The following MEMO1 variants were observed in gnomAD, a reference collection of about 807,000 sequenced individuals.
The protein encoded by MEMO1 is protein MEMO1.
Under a neutral mutation model 45.2 loss-of-function variants are expected in MEMO1, and 6 were observed. The ratio of observed to expected loss-of-function variants is 0.13; its 90% confidence interval spans 0.07 to 0.26. The LOEUF is 0.26. Ranked by LOEUF, MEMO1 falls within the 10% of genes least tolerant of loss-of-function variation. The pLI is 1.00. For missense variants in MEMO1, 184 were observed against 370.5 expected (o/e 0.50, Z 4.13); for synonymous variants, 78 against 124.3 (o/e 0.63, Z 2.48).
At chr2:31,978,557 C>T (rs986986046) in intron 2 of MEMO1, among the ~76,000 whole-genome samples, 1 of 152,144 alleles carries the variant, frequency 6.6e-6, no homozygotes, top group Non-Finnish European at 1.5e-5. Context: ...CTCGGCTTCC[C>T]GAGTAGCTAG....
chr2:31,975,021 A>C (rs1669843011), intron 2 of MEMO1, among the ~76,000 whole-genome samples: 1 of 151,536 alleles, frequency 6.6e-6, no homozygotes, highest in Admixed American at 6.6e-5. Context: ...AAATACAAAA[A>C]ATCAGCTGGA....
chr2:31,904,363 AT>A (rs1434113226), intron 6 of MEMO1, among the ~76,000 whole-genome samples: 1 of 152,224 alleles, frequency 6.6e-6, no homozygotes, highest in African/African-American at 2.4e-5. Flanking sequence ...AGAGCCTGGA[AT>A]TTTGGTAGCT....
rs375935056 is a variant in MEMO1, at chr2:31,922,612, T to C, written c.213-1702A>G. 1.7e-4 allele frequency among the ~76,000 whole-genome samples: 26 copies of C among 151,976 alleles called. No individual in the cohort carries two copies. The South Asian group carries it at 4.6e-3, about 27-fold the overall frequency. ...AACCTAGTATTCCATAAGTAGTTTTTTTATCCTCATCCTCCTCCCACCTTC... is the reference window on the plus strand; with the variant it reads ...AACCTAGTATTCCATAAGTAGTTTTCTTATCCTCATCCTCCTCCCACCTTC... On this transcript the variant is annotated intron_variant, in intron 4 of 9. Transcript: ENST00000404530.
At chr2:31,963,350 A>T (rs1353861789) in intron 2 of MEMO1, 2 of 1,259,080 alleles carry the variant, frequency 1.6e-6, no homozygotes, top group Non-Finnish European at 2.0e-6. Context: ...AGACACACAT[A>T]CCCTACTGGT....
chr2:31,963,455 T>C (rs1010845919), intron 2 of MEMO1, among the ~76,000 whole-genome samples: 1 of 152,200 alleles, frequency 6.6e-6, no homozygotes, highest in Admixed American at 6.5e-5. Context: ...CCAGTTACTT[T>C]TGGACAATGG....
chr2:31,975,624 GA>G lies in MEMO1; in HGVS notation c.62-32242del, dbSNP rs535562230. Among the ~76,000 whole-genome samples, 4 of 152,308 alleles carry G rather than the reference GA, an allele frequency of 2.6e-5. No individual in the cohort carries two copies. In the South Asian group the frequency reaches 8.3e-4, roughly 32 times the overall value. On this transcript the variant is annotated intron_variant, in intron 2 of 9. Coordinates refer to ENST00000404530, the MANE Select transcript of MEMO1 (RefSeq NM_001301833.4). The stretch of plus-strand genomic sequence containing the variant: ...GCAGAACACTTTAATGATGAGCTAA[GA>G]AAGGAGTCTAAACTCTGATACATTT...
At chr2:31,887,526 T>G (rs1676372735) in intron 7 of MEMO1, among the ~76,000 whole-genome samples, 1 of 152,194 alleles carries the variant, frequency 6.6e-6, no homozygotes, top group Admixed American at 6.5e-5. Flanking sequence ...TAGGCCATTC[T>G]ATACTAAGGA....
chr2:31,941,611 G>T (rs965405663), intron 3 of MEMO1, among the ~76,000 whole-genome samples: 1 of 152,194 alleles, frequency 6.6e-6, no homozygotes, highest in African/African-American at 2.4e-5. Flanking sequence ...GTATGTAAAT[G>T]ACTAAATAAA....
At chr2:31,875,843 T>C (rs1674474492) in intron 8 of MEMO1, among the ~76,000 whole-genome samples, 1 of 151,916 alleles carries the variant, frequency 6.6e-6, no homozygotes, top group Admixed American at 6.6e-5. Context: ...TGCACCACCA[T>C]GCCCGACTAA....
Position 32,010,279 on chromosome 2 carries a change from G to C in MEMO1, c.-17-15C>G, listed in dbSNP as rs1472548519. 2.9e-6 allele frequency: 4 copies of C among 1,400,216 alleles called. No individual in the cohort carries two copies. Among genetic ancestry groups the C allele is most frequent in the African/African-American group, 1.5e-5 (1 of 67,078 alleles). The allele number at this position is 1,400,216 out of a possible 1,614,324, so 86.7% of individuals were successfully genotyped here. On this transcript the variant is annotated splice_polypyrimidine_tract_variant and intron_variant, in intron 1 of 9. Coordinates refer to ENST00000404530, the MANE Select transcript of MEMO1 (RefSeq NM_001301833.4). ...GCCTGTGCCGCCTATGGTGCACGAG[G>C]ATGAATGAGGAGGCGGCGGCGGCGG...
intron 8 of MEMO1, among the ~76,000 whole-genome samples, chr2:31,881,885 T>C (rs970410893): frequency 6.6e-6 from 1 of 152,184 alleles, no homozygotes; most frequent in Non-Finnish European, 1.5e-5. Context: ...GTCACATGCC[T>C]GTAATCCCAG....
intron 3 of MEMO1, among the ~76,000 whole-genome samples, chr2:31,937,371 T>C (rs1665040248): frequency 6.6e-6 from 1 of 152,226 alleles, no homozygotes; most frequent in Non-Finnish European, 1.5e-5. Context: ...AGATATTTTT[T>C]GTACTGTCAT....
intron 3 of MEMO1, among the ~76,000 whole-genome samples, chr2:31,933,352 TATATATATA>T (rs1356331917): frequency 1.6e-4 from 2 of 12,218 alleles, no homozygotes; most frequent in Admixed American, 1.3e-3. Flanking sequence ...AAAAAAAATT[TATATATATA>T]TATATATATA....
chr2:31,976,555 G>A (rs1027000644), intron 2 of MEMO1, among the ~76,000 whole-genome samples: 2 of 151,484 alleles, frequency 1.3e-5, no homozygotes, highest in Non-Finnish European at 2.9e-5. Context: ...TCCAGTCTGG[G>A]TGACAGAGCA....
At chr2:32,005,761 G>T in intron 2 of MEMO1, among the ~76,000 whole-genome samples, 1 of 152,124 alleles carries the variant, frequency 6.6e-6, no homozygotes. Context: ...TATATGCCAA[G>T]CACTTTAACA....
chr2:32,009,469 G>C (rs985962209), intron 2 of MEMO1, among the ~76,000 whole-genome samples: 1 of 151,960 alleles, frequency 6.6e-6, no homozygotes, highest in Non-Finnish European at 1.5e-5. Context: ...TCCCCATGCA[G>C]AGACCTCGTC....
chr2:31,965,678 G>A (rs965837681), intron 2 of MEMO1, among the ~76,000 whole-genome samples: 1 of 152,180 alleles, frequency 6.6e-6, no homozygotes, highest in African/African-American at 2.4e-5. Context: ...CAGGGACATG[G>A]ATGAAGTTGG....
At chr2:31,989,928 G>C (rs1671738092) in intron 2 of MEMO1, among the ~76,000 whole-genome samples, 2 of 151,972 alleles carry the variant, frequency 1.3e-5, no homozygotes, top group African/African-American at 4.8e-5. Flanking sequence ...GACCAGCTTG[G>C]GCAACATGGT....
chr2:32,006,705 G>A (rs1473562621), intron 2 of MEMO1, among the ~76,000 whole-genome samples: 1 of 151,954 alleles, frequency 6.6e-6, no homozygotes, highest in Non-Finnish European at 1.5e-5. Flanking sequence ...GGTGGCTCAC[G>A]CCTGTAATCC....
Sources: gnomAD v4.1 joint callset for allele counts (sites outside exome capture counted in the v4.1 genomes callset) on GRCh38, gnomAD v4.1.1 for gene constraint, MANE v1.5 for transcripts, NCBI Gene and HGNC (gene_info 2026-07-23, HGNC 2026-07-21) for gene names.